RDH14: variants seen among roughly 807,000 people sequenced by gnomAD.
RDH14 encodes retinol dehydrogenase 14.
A neutral mutation model predicts 19.3 loss-of-function variants in RDH14; 17 were observed. The ratio of observed to expected loss-of-function variants is 0.88; its 90% CI spans 0.60 to 1.32. RDH14 has a LOEUF of 1.32. Ranked by LOEUF, RDH14 falls within the 40% of genes most tolerant of loss-of-function variation. The probability of loss-of-function intolerance (pLI) is 0.00; values close to 1 mark genes in which losing one functional copy is unlikely to be tolerated. For synonymous variants in RDH14, 215 were observed against 188.9 expected, an observed-to-expected ratio of 1.14 and a Z score of -1.13; for missense variants, 534 against 449.2, an observed-to-expected ratio of 1.19 and a Z score of -1.71.
At position 18,560,205 on chromosome 2, in the gene RDH14, C is replaced by T. The variant is rs1228436018; in HGVS notation, c.368G>A (p.Arg123His). ...CTGGAGCATTTCCTGGCAGAAGGCG[C>T]GCACCGAGCGCAGCGAGGCGAGGTC... ...ELDLASLRSV[R>H]AFCQEMLQEE... Residue 123 changes from arginine to histidine, a missense_variant, in exon 1 of 2, where the codon CGC becomes CAC. Coordinates refer to ENST00000381249, the MANE Select transcript of RDH14 (RefSeq NM_020905.4). The T allele has an allele frequency of 1.3e-6, 2 of 1,527,710 alleles. No homozygotes were observed. The highest frequency in any genetic ancestry group is 1.2e-5 in the South Asian group (1 of 83,898). 94.6% of individuals were successfully genotyped at this position (1,527,710 alleles called of 1,614,324 possible).
Position 18,555,167 on chromosome 2 carries a change from A to G in RDH14, c.*24T>C. On this transcript the variant is annotated 3_prime_UTR_variant, in exon 2 of 2. Coordinates refer to ENST00000381249, the MANE Select transcript of RDH14 (RefSeq NM_020905.4). Reference sequence around the variant, plus strand: ...AGATATAACTGATATGCAGTTTTATAAACAGCTCTTTTACTCCTTGTTCCT... The same window carrying G: ...AGATATAACTGATATGCAGTTTTATGAACAGCTCTTTTACTCCTTGTTCCT... 6.2e-7 allele frequency: 1 copy of G among 1,604,992 alleles called. No individual in the cohort carries two copies. The highest frequency in any genetic ancestry group is 2.2e-5 in the East Asian group (1 of 44,758).
At chr2:18,556,774 G>T (rs1457492300) in intron 1 of RDH14, among the ~76,000 whole-genome samples, 2 of 152,208 alleles carry the variant, frequency 1.3e-5, no homozygotes, top group African/African-American at 4.8e-5. Flanking sequence ...AAACAGGTAA[G>T]CATAGTTTAT....
chr2:18,555,664 T>C lies in RDH14; in HGVS notation c.538A>G (p.Lys180Glu). 2 of 1,614,104 alleles carry C rather than the reference T, an allele frequency of 1.2e-6. No homozygotes were observed. Among genetic ancestry groups the C allele is most frequent in the Middle Eastern group, 3.3e-4 (2 of 6,062 alleles). ...LLTNLLLGLL[K>E]SSAPSRIVVV... ...ACAATCCTGCTGGGAGCTGAACTTT[T>C]GAGGAGTCCAAGGAGAAGATTGGTG... is the stretch of plus-strand genomic sequence containing the variant. Residue 180 changes from lysine (K) to glutamate (E), a missense_variant, in exon 2 of 2, where the codon AAA becomes GAA. Transcript: ENST00000381249.
At position 18,560,163 on chromosome 2, in the gene RDH14, C is replaced by G. The variant is rs1166636191; in HGVS notation, c.393+17G>C. On this transcript the variant is annotated intron_variant, in intron 1 of 1. Coordinates refer to ENST00000381249, the MANE Select transcript of RDH14 (RefSeq NM_020905.4). ...GCCCAGGCCCTCCCCACCAGCCCGG[C>G]CCCCCGAGGCCCACACCTGGAGCAT... 1.3e-6 allele frequency: 2 copies of G among 1,519,982 alleles called. No individual in the cohort carries two copies. Among genetic ancestry groups the G allele is most frequent in the East Asian group, 5.1e-5 (2 of 39,124 alleles). The allele number at this position is 1,519,982 out of a possible 1,614,324, so 94.2% of individuals were successfully genotyped here. A position where few individuals can be genotyped will look rare whatever the true frequency, so the allele number is the denominator to read the frequency against.
intron 1 of RDH14, among the ~76,000 whole-genome samples, chr2:18,558,966 C>T (rs1355908380): frequency 6.6e-6 from 1 of 152,150 alleles, no homozygotes; most frequent in Non-Finnish European, 1.5e-5. Context: ...AGCTGTGCCC[C>T]GACCACCTTG....
In RDH14 at chr2:18,560,370, G is replaced by A. The variant is rs1034952912; in HGVS notation, c.203C>T (p.Ala68Val). The change falls in exon 1 of 2, where the codon GCG (alanine) becomes GTG (valine). Residue 68 changes from alanine to valine, a missense_variant. Physicochemically the swap from Ala to Val is moderately conservative, Grantham distance 64. Coordinates refer to ENST00000381249, the MANE Select transcript of RDH14 (RefSeq NM_020905.4). ...GTCCCGGCAGCCCATGATCACCCGC[G>A]CTCCCAGGCGCAGTAGCTCGGCGGC... ...ATAAELLRLGARVIMGCRDRA... is the reference protein window; with the variant it reads ...ATAAELLRLGVRVIMGCRDRA... 2 of 1,461,608 alleles carry A rather than the reference G, an allele frequency of 1.4e-6. No individual in the cohort carries two copies. Among genetic ancestry groups the A allele is most frequent in the African/African-American group, 1.5e-5 (1 of 67,494 alleles). 90.5% of individuals were successfully genotyped at this position (1,461,608 alleles called of 1,614,324 possible).
At chr2:18,557,526 C>T (rs1663955910) in intron 1 of RDH14, among the ~76,000 whole-genome samples, 1 of 152,116 alleles carries the variant, frequency 6.6e-6, no homozygotes, top group Non-Finnish European at 1.5e-5. Context: ...ATTTGTTATC[C>T]AGCATTCTTT....
At chr2:18,559,672 T>C (rs1176600618) in intron 1 of RDH14, among the ~76,000 whole-genome samples, 2 of 152,154 alleles carry the variant, frequency 1.3e-5, no homozygotes, top group Non-Finnish European at 1.5e-5. Context: ...AGGATGGTGC[T>C]GAGTTTACTG....
chr2:18,560,102 G>A (rs1267112373), intron 1 of RDH14, 78 bp downstream of exon 1: 63 of 1,436,506 alleles, frequency 4.4e-5, no homozygotes, highest in Non-Finnish European at 5.8e-5. Context: ...GGTCCCTCGC[G>A]GCTCAGCCCC....
At chr2:18,559,606 A>G (rs960924612) in intron 1 of RDH14, among the ~76,000 whole-genome samples, 2 of 152,214 alleles carry the variant, frequency 1.3e-5, no homozygotes, top group African/African-American at 4.8e-5. Flanking sequence ...TGTATGGAGC[A>G]TGACCACTGG....
Position 18,560,215 on chromosome 2 carries a change from G to A in RDH14, c.358C>T (p.Arg120Cys). 2.0e-6 allele frequency: 3 copies of A among 1,527,672 alleles called. No individual in the cohort carries two copies. The highest frequency in any genetic ancestry group is 1.7e-6 in the Non-Finnish European group (2 of 1,143,866). 94.6% of individuals were successfully genotyped at this position (1,527,672 alleles called of 1,614,324 possible). A position where few individuals can be genotyped will look rare whatever the true frequency, so the allele number is the denominator to read the frequency against. The change falls in exon 1 of 2, where the codon CGC becomes TGC. Residue 120 changes from arginine to cysteine, a missense_variant. By Grantham distance (180) the Arg-to-Cys change is radical. Transcript: ENST00000381249. ...IVRELDLASL[R>C]SVRAFCQEML... is the part of the protein sequence containing the mutation. ...TCCTGGCAGAAGGCGCGCACCGAGC[G>A]CAGCGAGGCGAGGTCCAGCTCCCGG...
At chr2:18,557,867 T>C (rs2148053880) in intron 1 of RDH14, among the ~76,000 whole-genome samples, 1 of 152,338 alleles carries the variant, frequency 6.6e-6, no homozygotes, top group East Asian at 1.9e-4. Context: ...GAGTATTATT[T>C]CTTAACCTGT....
In RDH14 at chr2:18,555,340, A is replaced by G; in HGVS notation, c.862T>C (p.Tyr288His). 1 of 1,614,108 alleles carries G rather than the reference A, an allele frequency of 6.2e-7. No homozygotes were observed. Among genetic ancestry groups the G allele is most frequent in the South Asian group, 1.1e-5 (1 of 91,082 alleles). Residue 288 changes from tyrosine (Y) to histidine (H), a missense_variant, in exon 2 of 2, where the codon TAT becomes CAT. Coordinates refer to ENST00000381249, the MANE Select transcript of RDH14 (RefSeq NM_020905.4). ...TPVEGAQTSI[Y>H]LASSPEVEGV... ...TCTACCTCAGGTGAAGAGGCCAAAT[A>G]AATGGAAGTCTGGGCACCTTCTACT...
intron 1 of RDH14, among the ~76,000 whole-genome samples, chr2:18,558,975 T>A (rs1664001469): frequency 6.6e-6 from 1 of 152,220 alleles, no homozygotes; most frequent in Admixed American, 6.5e-5. Flanking sequence ...CCGACCACCT[T>A]GGGCACATGT....
chr2:18,559,871 G>A (rs1664041269), intron 1 of RDH14, among the ~76,000 whole-genome samples: 2 of 152,154 alleles, frequency 1.3e-5, no homozygotes, highest in Non-Finnish European at 2.9e-5. Flanking sequence ...GATCTACTTC[G>A]GGGCGGTCCT....
chr2:18,555,894 T>C (rs749409691), intron 1 of RDH14, 86 bp from the exon 2 acceptor site: 39 of 1,495,768 alleles, frequency 2.6e-5, no homozygotes, highest in Middle Eastern at 1.9e-4. Context: ...TACATTTTAA[T>C]AAAAATGGGC....
Position 18,560,488 on chromosome 2 carries a change from C to G in RDH14, c.85G>C (p.Val29Leu), listed in dbSNP as rs1346659148. Residue 29 changes from valine (V) to leucine (L), a missense_variant, in exon 1 of 2, where the codon GTC (valine) becomes CTC (leucine). Transcript: ENST00000381249. Reference protein sequence around the residue: ...LAARRFVGPRVQRLRRGGDPG... With the variant: ...LAARRFVGPRLQRLRRGGDPG... ...TCCCCGCCTCTGCGCAGCCGCTGGA[C>G]CCTGGGCCCCACGAACCGGCGGGCC... The G allele has an allele frequency of 6.6e-7, 1 of 1,514,748 alleles. No individual in the cohort carries two copies. Among genetic ancestry groups the G allele is most frequent in the African/African-American group, 1.4e-5 (1 of 69,650 alleles). The allele number at this position is 1,514,748 out of a possible 1,614,324, so 93.8% of individuals were successfully genotyped here. A position where few individuals can be genotyped will look rare whatever the true frequency, so the allele number is the denominator to read the frequency against.
intron 1 of RDH14, among the ~76,000 whole-genome samples, chr2:18,559,579 A>T (rs1030047816): frequency 1.3e-5 from 2 of 152,128 alleles, no homozygotes; most frequent in Non-Finnish European, 2.9e-5. Flanking sequence ...GCTGGGTGTT[A>T]TTTTTATTCC....
At chr2:18,559,660 T>G (rs989395995) in intron 1 of RDH14, among the ~76,000 whole-genome samples, 2 of 152,108 alleles carry the variant, frequency 1.3e-5, no homozygotes, top group African/African-American at 4.8e-5. Context: ...ACAGTCCCGT[T>G]AAGGATGGTG....
Sources: gnomAD v4.1 joint callset for allele counts (sites outside exome capture counted in the v4.1 genomes callset) on GRCh38, gnomAD v4.1.1 for gene constraint, MANE v1.5 for transcripts, NCBI Gene and HGNC (gene_info 2026-07-23, HGNC 2026-07-21) for gene names.